The following DLG2 variants were observed in gnomAD, a reference collection of about 807,000 sequenced individuals.
The protein encoded by DLG2 is disks large homolog 2.
DLG2 carries 45 observed loss-of-function variants against 132.5 expected under a neutral mutation model. The observed-to-expected ratio is 0.34, with a 90% confidence interval of 0.27 to 0.44. The LOEUF (loss-of-function observed/expected upper bound fraction) is 0.44. Ranked by LOEUF, DLG2 falls within the 20% of genes least tolerant of loss-of-function variation. The pLI, the probability that DLG2 is intolerant of heterozygous loss-of-function variation, is 1.00. For synonymous variants in DLG2, 424 were observed against 419.6 expected, an observed-to-expected ratio of 1.01 and a Z score of -0.13; for missense variants, 1,045 against 1,196.9, an observed-to-expected ratio of 0.87 and a Z score of 1.87.
At chr11:84,915,751 C>A (rs905047184) in intron 6 of DLG2, among the ~76,000 whole-genome samples, 2 of 152,164 alleles carry the variant, frequency 1.3e-5, no homozygotes, top group Admixed American at 6.5e-5. Flanking sequence ...TTGGTGGTAA[C>A]ACATCCAGTC....
intron 17 of DLG2, among the ~76,000 whole-genome samples, chr11:83,820,009 T>C (rs2050310291): frequency 6.6e-6 from 1 of 152,154 alleles, no homozygotes; most frequent in African/African-American, 2.4e-5. Flanking sequence ...TTGAATTCAT[T>C]GAGTTATATT....
At chr11:84,648,462 G>T (rs2099677479) in intron 6 of DLG2, among the ~76,000 whole-genome samples, 1 of 152,080 alleles carries the variant, frequency 6.6e-6, no homozygotes, top group African/African-American at 2.4e-5. Flanking sequence ...GTAGCTTCTT[G>T]ACTTTCATTT....
intron 7 of DLG2, among the ~76,000 whole-genome samples, chr11:84,298,706 A>G (rs1006154784): frequency 1.3e-5 from 2 of 152,218 alleles, no homozygotes; most frequent in African/African-American, 2.4e-5. Context: ...CTCAAATAAG[A>G]TAACATTAGA....
chr11:83,965,417 A>G lies in DLG2; in HGVS notation c.1108T>C (p.Leu370=). ...EVTHEEAVAI[L]KNTSEVVYLK... is the part of the protein sequence containing the mutation. ...TAAACTACCTCTGATGTGTTCTTTAATATTGCTACTGCCTCTTCGTGTGTT... is the reference window on the plus strand; with the variant it reads ...TAAACTACCTCTGATGTGTTCTTTAGTATTGCTACTGCCTCTTCGTGTGTT... The change falls in exon 13 of 28, where the codon TTA becomes CTA. Residue 370 remains leucine, a synonymous_variant. Transcript: ENST00000376104. 1 of 1,611,722 alleles carries G rather than the reference A, an allele frequency of 6.2e-7. No individual in the cohort carries two copies.
At chr11:84,002,176 A>G (rs910298522) in intron 11 of DLG2, among the ~76,000 whole-genome samples, 2 of 152,200 alleles carry the variant, frequency 1.3e-5, no homozygotes, top group African/African-American at 4.8e-5. Context: ...AAAATAGCAA[A>G]GAAGAGAGAA....
At chr11:84,746,981 T>G (rs182142184) in intron 6 of DLG2, among the ~76,000 whole-genome samples, 1 of 152,306 alleles carries the variant, frequency 6.6e-6, no homozygotes, top group Admixed American at 6.5e-5. Context: ...AAATTCTTCC[T>G]GCATTTTATA....
chr11:85,205,286 A>G (rs1440705569), intron 4 of DLG2, among the ~76,000 whole-genome samples: 1 of 151,846 alleles, frequency 6.6e-6, no homozygotes, highest in Non-Finnish European at 1.5e-5. Context: ...CCAGGTACAA[A>G]AAGACAAATA....
At chr11:85,419,249 C>T (rs1451770026) in intron 3 of DLG2, among the ~76,000 whole-genome samples, 1 of 152,192 alleles carries the variant, frequency 6.6e-6, no homozygotes, top group Non-Finnish European at 1.5e-5. Context: ...TGAATATTGG[C>T]ACCCACTCTC....
At chr11:85,594,635 AC>A (rs1401945282) in intron 3 of DLG2, among the ~76,000 whole-genome samples, 1 of 152,222 alleles carries the variant, frequency 6.6e-6, no homozygotes, top group African/African-American at 2.4e-5. Context: ...TCAATAAGTT[AC>A]AAAAAACATT....
intron 21 of DLG2, among the ~76,000 whole-genome samples, chr11:83,518,862 T>C (rs1360374381): frequency 3.3e-5 from 5 of 152,140 alleles, no homozygotes; most frequent in Admixed American, 1.3e-4. Flanking sequence ...AAGAAGTTTG[T>C]TCCTGGGGTT....
At chr11:84,949,288 T>C (rs2050622147) in intron 6 of DLG2, among the ~76,000 whole-genome samples, 2 of 151,944 alleles carry the variant, frequency 1.3e-5, no homozygotes, top group South Asian at 2.1e-4. Context: ...GGTAATAGAA[T>C]ATCACAAGGC....
At chr11:83,702,810 T>C (rs557450070) in intron 18 of DLG2, among the ~76,000 whole-genome samples, 40 of 152,348 alleles carry the variant, frequency 2.6e-4, no homozygotes, top group African/African-American at 9.6e-4. Flanking sequence ...TTAAGGTCTC[T>C]AGATTTGGAG....
intron 4 of DLG2, among the ~76,000 whole-genome samples, chr11:85,267,995 G>A (rs1164766495): frequency 6.6e-6 from 1 of 152,036 alleles, no homozygotes; most frequent in East Asian, 1.9e-4. Flanking sequence ...AATGGCAACT[G>A]CTCCCTGTAT....
At chr11:84,940,949 A>C (rs1159176935) in intron 6 of DLG2, among the ~76,000 whole-genome samples, 5 of 152,180 alleles carry the variant, frequency 3.3e-5, no homozygotes, top group African/African-American at 1.2e-4. Flanking sequence ...TTAGATGGAT[A>C]TTCAGTTTTC....
chr11:84,137,020 C>T (rs911671513), intron 9 of DLG2, among the ~76,000 whole-genome samples: 10 of 152,252 alleles, frequency 6.6e-5, no homozygotes, highest in Non-Finnish European at 1.0e-4. Context: ...TCCACAGGCT[C>T]ATTCTAACCA....
At chr11:85,121,045 A>C (rs117627917) in intron 5 of DLG2, among the ~76,000 whole-genome samples, 5,317 of 152,034 alleles carry the variant, frequency 0.035, 139 homozygotes, top group Middle Eastern at 0.085. Flanking sequence ...CCAAGTAATA[A>C]TTACTATTAT....
intron 3 of DLG2, among the ~76,000 whole-genome samples, chr11:85,287,434 T>C (rs1310237735): frequency 6.6e-6 from 1 of 152,084 alleles, no homozygotes. Context: ...ACCTCATTGG[T>C]GATAAAAAAT....
intron 6 of DLG2, among the ~76,000 whole-genome samples, chr11:85,046,104 C>T (rs985640366): frequency 1.3e-5 from 2 of 151,994 alleles, no homozygotes; most frequent in South Asian, 2.1e-4. Context: ...CATAAACCCC[C>T]TTTCTATTTC....
chr11:84,954,328 T>C (rs1418809475), intron 6 of DLG2, among the ~76,000 whole-genome samples: 1 of 146,376 alleles, frequency 6.8e-6, no homozygotes, highest in African/African-American at 2.5e-5. Context: ...GGAGCAATAG[T>C]CAAGGGAGGC....
Sources: gnomAD v4.1 joint callset for allele counts (sites outside exome capture counted in the v4.1 genomes callset) on GRCh38, gnomAD v4.1.1 for gene constraint, MANE v1.5 for transcripts, NCBI Gene and HGNC (gene_info 2026-07-23, HGNC 2026-07-21) for gene names.